Variants in GALNT8 observed in about 807,000 individuals in gnomAD.
GALNT8 encodes the protein probable polypeptide N-acetylgalactosaminyltransferase 8.
A neutral mutation model predicts 62.7 loss-of-function variants in GALNT8; 66 were observed. The observed-to-expected ratio is 1.05, with a 90% CI of 0.86 to 1.29. The LOEUF is 1.29. GALNT8 is among the 50% of genes most tolerant of loss of function. GALNT8 has a pLI of 0.00. For synonymous variants in GALNT8, 288 were observed against 294.3 expected (o/e 0.98, Z 0.22); for missense variants, 771 against 791.8 (o/e 0.97, Z 0.32).
At position 4,720,591 on chromosome 12, in the gene GALNT8, A is replaced by T. The variant is rs1044342557; in HGVS notation, c.-87A>T. The T allele has an allele frequency of 1.6e-5, 15 of 918,720 alleles. No individual in the cohort carries two copies. The highest frequency in any genetic ancestry group is 2.5e-5 in the Non-Finnish European group (14 of 555,006). 56.9% of individuals were successfully genotyped at this position (918,720 alleles called of 1,614,324 possible). On this transcript the variant is annotated 5_prime_UTR_variant, in exon 1 of 11. Coordinates refer to ENST00000252318, the MANE Select transcript of GALNT8 (RefSeq NM_017417.2). ...ACTGGCACCTAGAACTCTCTTTCCC[A>T]CAAAAGCTAGGCTGGTTCTGATTCT...
chr12:4,746,406 A>G (rs1946300182), intron 6 of GALNT8, 148 bp downstream of exon 6: 1 of 624,852 alleles, frequency 1.6e-6, no homozygotes, highest in Non-Finnish European at 2.9e-6. Flanking sequence ...TGGGCCAAGG[A>G]CGGGGGGCAA....
intron 10 of GALNT8, 120 bp from the exon 11 acceptor site, chr12:4,772,325 G>A: frequency 1.2e-6 from 1 of 820,374 alleles, no homozygotes; most frequent in Non-Finnish European, 2.0e-6. Context: ...TGGATGACTT[G>A]TGGAGCACTG....
At chr12:4,763,757 C>T (rs1303288817) in intron 8 of GALNT8, among the ~76,000 whole-genome samples, 195 bp from the exon 9 acceptor site, 1 of 152,170 alleles carries the variant, frequency 6.6e-6, no homozygotes, top group Non-Finnish European at 1.5e-5. Flanking sequence ...GTGGGCAGCG[C>T]AGCAGCGCCT....
intron 2 of GALNT8, among the ~76,000 whole-genome samples, chr12:4,736,323 A>C (rs11063323): frequency 6.6e-6 from 1 of 151,920 alleles, no homozygotes; most frequent in Non-Finnish European, 1.5e-5. Flanking sequence ...TAAAAATAAA[A>C]TCATGCACAT....
chr12:4,734,844 G>T (rs2137523965), intron 2 of GALNT8, among the ~76,000 whole-genome samples: 1 of 152,126 alleles, frequency 6.6e-6, no homozygotes, highest in South Asian at 2.1e-4. Flanking sequence ...GCTTTTTTGT[G>T]TCCCTGGCAT....
chr12:4,726,598 A>G lies in GALNT8; in HGVS notation c.278A>G (p.Asp93Gly), dbSNP rs764536125. The G allele has an allele frequency of 2.5e-6, 4 of 1,611,970 alleles. No individual in the cohort carries two copies. The Admixed American group carries it at 6.7e-5, about 27-fold the overall frequency. ...AACAGCACACTGAAGAGGGCGAAAG[A>G]TGAAGTACGCCCTCTTCTAAAGGCA... is the stretch of plus-strand genomic sequence containing the variant. The part of the protein sequence containing the change: ...NVNSTLKRAK[D>G]EVRPLLKAME... The change falls in exon 2 of 11, where the codon GAT (aspartate) becomes GGT (glycine). Residue 93 changes from aspartate (D) to glycine (G), a missense_variant. Transcript: ENST00000252318. The surrounding 1 kb of genome is among the most constrained non-coding windows in gnomAD (Gnocchi z 4.1).
chr12:4,760,913 T>G, intron 6 of GALNT8, 45 bp from the exon 7 acceptor site: 1 of 1,529,088 alleles, frequency 6.5e-7, no homozygotes, highest in Non-Finnish European at 9.0e-7. Flanking sequence ...GCTATGCAAT[T>G]CATTGGCTGT....
intron 2 of GALNT8, among the ~76,000 whole-genome samples, chr12:4,731,033 A>G (rs1215603858): frequency 6.6e-6 from 1 of 151,948 alleles, no homozygotes; most frequent in Non-Finnish European, 1.5e-5. Flanking sequence ...TATTTTTAGT[A>G]GAGACGGGGT....
At chr12:4,739,888 C>T (rs978550276) in intron 3 of GALNT8, among the ~76,000 whole-genome samples, 21 of 152,104 alleles carry the variant, frequency 1.4e-4, no homozygotes, top group South Asian at 1.2e-3. Flanking sequence ...ATGATGGTCT[C>T]GATCTCCTGA....
rs1412120349 is a variant in GALNT8, at chr12:4,749,233, C to T, written c.1173+2975C>T. ...GTCTAATTGCTCTAGCTAGGACTTCCAGTAGTACACTGAATAACAGTGGTG... is the reference window on the plus strand; with the variant it reads ...GTCTAATTGCTCTAGCTAGGACTTCTAGTAGTACACTGAATAACAGTGGTG... On this transcript the variant is annotated intron_variant, in intron 6 of 10. Transcript: ENST00000252318. The surrounding 1 kb of genome is among the most constrained non-coding windows in gnomAD (Gnocchi z 4.1). Among the ~76,000 whole-genome samples, 1 of 152,084 alleles carries T rather than the reference C, an allele frequency of 6.6e-6. No individual in the cohort carries two copies. Among genetic ancestry groups the T allele is most frequent in the Non-Finnish European group, 1.5e-5 (1 of 68,004 alleles).
At chr12:4,727,690 C>G (rs1365043196) in intron 2 of GALNT8, among the ~76,000 whole-genome samples, 1 of 152,184 alleles carries the variant, frequency 6.6e-6, no homozygotes, top group African/African-American at 2.4e-5. Flanking sequence ...CATATCAATA[C>G]TTCGTTCCTT....
At chr12:4,733,703 G>A (rs1255080724) in intron 2 of GALNT8, among the ~76,000 whole-genome samples, 3 of 152,208 alleles carry the variant, frequency 2.0e-5, no homozygotes, top group Non-Finnish European at 4.4e-5. Flanking sequence ...TCCTCTGCCT[G>A]TGCTTTAAAT....
chr12:4,770,097 T>G (rs1238193177), intron 10 of GALNT8, among the ~76,000 whole-genome samples: 1 of 149,732 alleles, frequency 6.7e-6, no homozygotes, highest in African/African-American at 2.5e-5. Flanking sequence ...AGGTCAGGAG[T>G]TTGAGACCAG....
At chr12:4,763,842 G>C in intron 8 of GALNT8, 110 bp from the exon 9 acceptor site, 4 of 701,238 alleles carry the variant, frequency 5.7e-6, no homozygotes, top group Non-Finnish European at 7.9e-6. Flanking sequence ...CCTTGTGGCT[G>C]GTCGTTCCTG....
Position 4,761,013 on chromosome 12 carries a change from T to C in GALNT8, c.1229T>C (p.Leu410Pro). 2 of 1,614,116 alleles carry C rather than the reference T, an allele frequency of 1.2e-6. No homozygotes were observed. Among genetic ancestry groups the C allele is most frequent in the South Asian group, 1.1e-5 (1 of 91,076 alleles). ...TTGCCCTGTTCCCGGATTGCCCACC[T>C]AGAGAGACACCACAAGCCCTACGCC... Reference protein sequence around the residue: ...EILPCSRIAHLERHHKPYALD... With the variant: ...EILPCSRIAHPERHHKPYALD... The change falls in exon 7 of 11, where the codon CTA becomes CCA. Residue 410 changes from leucine (L) to proline (P), a missense_variant. Coordinates refer to ENST00000252318, the MANE Select transcript of GALNT8 (RefSeq NM_017417.2).
intron 6 of GALNT8, among the ~76,000 whole-genome samples, chr12:4,757,340 G>A (rs1946349817): frequency 1.3e-5 from 2 of 152,158 alleles, no homozygotes; most frequent in African/African-American, 4.8e-5. Context: ...TAATGAATTT[G>A]ATATAATTTT....
chr12:4,747,381 C>T (rs544858550), intron 6 of GALNT8, among the ~76,000 whole-genome samples: 1 of 152,280 alleles, frequency 6.6e-6, no homozygotes, highest in East Asian at 1.9e-4. Context: ...AACTACCCTT[C>T]CCGGCCTCTG....
At position 4,745,417 on chromosome 12, in the gene GALNT8, C is replaced by A. The variant is rs1946293114; in HGVS notation, c.861-12C>A. ...ATATCCAAGCTGGGCTTTCTGCACA[C>A]TCTTGTTCTAGGGCAGAGCCAATCT... On this transcript the variant is annotated splice_polypyrimidine_tract_variant and intron_variant, in intron 4 of 10. Coordinates refer to ENST00000252318, the MANE Select transcript of GALNT8 (RefSeq NM_017417.2). 6.3e-7 allele frequency: 1 copy of A among 1,580,892 alleles called. No individual in the cohort carries two copies. The highest frequency in any genetic ancestry group is 1.3e-5 in the African/African-American group (1 of 74,370).
chr12:4,772,511 C>T lies in GALNT8; in HGVS notation c.1828C>T (p.His610Tyr). Residue 610 changes from histidine to tyrosine, a missense_variant, in exon 11 of 11, where the codon CAC becomes TAC. Physicochemically the swap from His to Tyr is moderately conservative, Grantham distance 83. Transcript: ENST00000252318. ...LEMKKDLLGS[H>Y]VLVLQTCSTQ... The stretch of plus-strand genomic sequence containing the variant: ...GATGAAGAAGGATCTTTTGGGTAGC[C>T]ACGTGCTTGTGCTCCAGACCTGTAG... 1 of 1,613,640 alleles carries T rather than the reference C, an allele frequency of 6.2e-7. No individual in the cohort carries two copies. The highest frequency in any genetic ancestry group is 1.1e-5 in the South Asian group (1 of 91,080).
Sources: gnomAD v4.1 joint callset for allele counts (sites outside exome capture counted in the v4.1 genomes callset) on GRCh38, gnomAD v4.1.1 for gene constraint, Gnocchi (gnomAD v3.1) non-coding constraint, MANE v1.5 for transcripts, NCBI Gene and HGNC (gene_info 2026-07-23, HGNC 2026-07-21) for gene names.